The following SNTG1 variants were observed in gnomAD, a reference collection of about 807,000 sequenced individuals.
The protein encoded by SNTG1 is gamma-1-syntrophin.
Under a neutral mutation model 74.7 loss-of-function variants are expected in SNTG1, and 39 were observed. The observed-to-expected ratio is 0.52, with a 90% CI of 0.40 to 0.68. The LOEUF (loss-of-function observed/expected upper bound fraction) is 0.68. Among genes scored for constraint, SNTG1 ranks in the 30% least tolerant of loss-of-function variants. The pLI is 0.00. For synonymous variants in SNTG1, 254 were observed against 217.1 expected (o/e 1.17, Z -1.49); for missense variants, 685 against 609.5 (o/e 1.12, Z -1.30).
intron 12 of SNTG1, among the ~76,000 whole-genome samples, chr8:50,565,968 T>G (rs1251946952): frequency 3.3e-5 from 5 of 151,852 alleles, no homozygotes; most frequent in Non-Finnish European, 5.9e-5. Context: ...ATGGATATTA[T>G]TTTTTTACGG....
At chr8:50,627,398 A>C (rs1340922452) in intron 13 of SNTG1, among the ~76,000 whole-genome samples, 3 of 152,206 alleles carry the variant, frequency 2.0e-5, no homozygotes, top group African/African-American at 7.2e-5. Context: ...CTGTCATGTG[A>C]GGACAGAGTG....
At chr8:50,083,408 A>G (rs762399642) in intron 1 of SNTG1, among the ~76,000 whole-genome samples, 2 of 152,204 alleles carry the variant, frequency 1.3e-5, no homozygotes, top group Non-Finnish European at 2.9e-5. Flanking sequence ...ATTGAAGTCA[A>G]TTTTGCACCC....
At chr8:50,360,269 A>G (rs1045675555) in intron 2 of SNTG1, among the ~76,000 whole-genome samples, 1 of 152,148 alleles carries the variant, frequency 6.6e-6, no homozygotes, top group Non-Finnish European at 1.5e-5. Context: ...ACCCACCCCC[A>G]TTTCCAAAAT....
chr8:50,603,796 C>A (rs2094792625), intron 13 of SNTG1, among the ~76,000 whole-genome samples: 1 of 152,106 alleles, frequency 6.6e-6, no homozygotes. Context: ...CATTTTTGTT[C>A]TCTTCTCTTA....
chr8:50,076,285 G>A (rs905666953), intron 1 of SNTG1, among the ~76,000 whole-genome samples: 7 of 151,780 alleles, frequency 4.6e-5, no homozygotes, highest in African/African-American at 1.7e-4. Flanking sequence ...GTAACATACT[G>A]AAAGAAACAA....
Position 49,940,973 on chromosome 8 carries a change from C to T in SNTG1, c.-103+28742C>T, listed in dbSNP as rs184170640. ...AATCAACATATGTTTGATGGAGCAA[C>T]GTTTAAGGCACTGTTGGAACAGCCC... On this transcript the variant is annotated intron_variant, in intron 1 of 18. Transcript: ENST00000642720. Among the ~76,000 whole-genome samples the T allele has an allele frequency of 1.6e-4, 24 of 152,186 alleles. 1 individual carries two copies. The highest frequency in any genetic ancestry group is 3.6e-4 in the African/African-American group (15 of 41,512).
At chr8:50,631,245 G>A (rs1369689133) in intron 13 of SNTG1, among the ~76,000 whole-genome samples, 1 of 152,082 alleles carries the variant, frequency 6.6e-6, no homozygotes, top group Non-Finnish European at 1.5e-5. Flanking sequence ...CAGGAAGCTG[G>A]GGCTTTGTAT....
At chr8:50,050,042 G>A (rs1819435108) in intron 1 of SNTG1, among the ~76,000 whole-genome samples, 1 of 151,106 alleles carries the variant, frequency 6.6e-6, no homozygotes, top group Non-Finnish European at 1.5e-5. Context: ...TTCACCTTAG[G>A]AAACGAGAAA....
chr8:50,362,597 T>C (rs1179398905), intron 2 of SNTG1, among the ~76,000 whole-genome samples: 2 of 152,114 alleles, frequency 1.3e-5, no homozygotes, highest in African/African-American at 4.8e-5. Flanking sequence ...CCTTTAAAAT[T>C]ATTCCACCAA....
At chr8:50,670,173 T>C (rs1167579233) in intron 15 of SNTG1, among the ~76,000 whole-genome samples, 3 of 152,160 alleles carry the variant, frequency 2.0e-5, no homozygotes, top group Non-Finnish European at 2.9e-5. Context: ...TTCAACATAG[T>C]GTTGGAAGTT....
At chr8:50,513,716 T>G (rs2929420) in intron 9 of SNTG1, among the ~76,000 whole-genome samples, 56,610 of 152,156 alleles carry the variant, frequency 0.37, 13,297 homozygotes, top group African/African-American at 0.67. Context: ...CTCCAAGCCA[T>G]GCGCAGGATA....
chr8:50,211,965 A>G (rs2084541782), intron 2 of SNTG1, among the ~76,000 whole-genome samples: 1 of 152,146 alleles, frequency 6.6e-6, no homozygotes, highest in Non-Finnish European at 1.5e-5. Flanking sequence ...AAATAAAAAG[A>G]CAGGCTGTTA....
At chr8:50,415,405 G>A (rs1443024037) in intron 4 of SNTG1, among the ~76,000 whole-genome samples, 2 of 151,996 alleles carry the variant, frequency 1.3e-5, no homozygotes, top group African/African-American at 4.8e-5. Context: ...AAATGGAATA[G>A]GTAATAACGT....
chr8:49,941,169 G>C (rs543004317), intron 1 of SNTG1, among the ~76,000 whole-genome samples: 1 of 152,056 alleles, frequency 6.6e-6, no homozygotes, highest in South Asian at 2.1e-4. Context: ...ACAAAGGGGG[G>C]TTTCCCTTTG....
In SNTG1 at chr8:50,535,068, C is replaced by T. The variant is rs191179149; in HGVS notation, c.550-1610C>T. On this transcript the variant is annotated intron_variant, in intron 10 of 18. Coordinates refer to ENST00000642720, the MANE Select transcript of SNTG1 (RefSeq NM_018967.5). ...CCAGGCATCTAAGTAGTTTGTTTTA[C>T]TAAATGTTAAATTACCATTAGCCTT... is the stretch of plus-strand genomic sequence containing the variant. 3.9e-4 allele frequency among the ~76,000 whole-genome samples: 59 copies of T among 152,162 alleles called. No individual in the cohort carries two copies. The East Asian group carries it at 0.011, about 29-fold the overall frequency.
intron 1 of SNTG1, among the ~76,000 whole-genome samples, chr8:49,947,856 C>T (rs1809343418): frequency 6.6e-6 from 1 of 152,176 alleles, no homozygotes; most frequent in Middle Eastern, 3.4e-3. Context: ...TCAGGCCTGG[C>T]GCGGTGGCTC....
intron 9 of SNTG1, among the ~76,000 whole-genome samples, chr8:50,523,683 G>A (rs1264492222): frequency 6.6e-6 from 1 of 152,120 alleles, no homozygotes; most frequent in African/African-American, 2.4e-5. Flanking sequence ...AATGATGACT[G>A]ATGACAGATC....
At chr8:50,179,612 A>G (rs918967342) in intron 2 of SNTG1, among the ~76,000 whole-genome samples, 2 of 152,224 alleles carry the variant, frequency 1.3e-5, no homozygotes, top group Non-Finnish European at 1.5e-5. Flanking sequence ...CTAATTAAAA[A>G]AGGGCAAAAT....
At chr8:50,248,197 G>A (rs567097538) in intron 2 of SNTG1, among the ~76,000 whole-genome samples, 1 of 152,208 alleles carries the variant, frequency 6.6e-6, no homozygotes, top group East Asian at 1.9e-4. Flanking sequence ...CGAGGAGTTA[G>A]GACTTCAACA....
Sources: allele counts gnomAD v4.1 joint callset (sites outside exome capture counted in the v4.1 genomes callset), GRCh38; gene constraint gnomAD v4.1.1; transcripts MANE v1.5; gene names NCBI Gene and HGNC (gene_info 2026-07-23, HGNC 2026-07-21).